Variants in SLC24A4 observed in about 807,000 individuals in gnomAD.
SLC24A4 encodes sodium/potassium/calcium exchanger 4.
SLC24A4 carries 53 observed loss-of-function variants against 79.0 expected under a neutral mutation model. That is an observed-to-expected ratio of 0.67 (90% CI 0.54 to 0.84). The LOEUF is 0.84. Ranked by LOEUF, SLC24A4 falls within the 40% of genes least tolerant of loss-of-function variation. SLC24A4 has a pLI of 0.00. For missense variants in SLC24A4, 731 were observed against 822.0 expected (o/e 0.89, Z 1.35); for synonymous variants, 323 against 323.8 (o/e 1.00, Z 0.03).
chr14:92,375,035 C>T (rs72695125), intron 2 of SLC24A4, among the ~76,000 whole-genome samples: 30 of 152,288 alleles, frequency 2.0e-4, no homozygotes, highest in Non-Finnish European at 2.9e-4. Flanking sequence ...GTCTTCACTC[C>T]GGAACTTCTG....
chr14:92,433,881 T>C, intron 2 of SLC24A4, 31 bp from the exon 3 acceptor site: 1 of 1,598,096 alleles, frequency 6.3e-7, no homozygotes, highest in Non-Finnish European at 8.6e-7. Context: ...CATAGATAAC[T>C]AACACTCTGC....
chr14:92,491,869 C>T (rs1194239144), intron 15 of SLC24A4, 92 bp downstream of exon 15: 3 of 994,442 alleles, frequency 3.0e-6, no homozygotes, highest in Non-Finnish European at 4.8e-6. Flanking sequence ...AGACGACCTC[C>T]TCCTCTCCTT....
At chr14:92,383,778 G>A (rs1349185129) in intron 2 of SLC24A4, among the ~76,000 whole-genome samples, 3 of 152,138 alleles carry the variant, frequency 2.0e-5, no homozygotes, top group Non-Finnish European at 1.5e-5. Flanking sequence ...ACATCTACAC[G>A]CCCTCGTCAG....
intron 2 of SLC24A4, among the ~76,000 whole-genome samples, chr14:92,332,231 G>A (rs754569595): frequency 2.6e-5 from 4 of 152,164 alleles, no homozygotes; most frequent in Non-Finnish European, 5.9e-5. Flanking sequence ...GCAGTGAGCC[G>A]AGATCGCACC....
intron 2 of SLC24A4, among the ~76,000 whole-genome samples, chr14:92,400,489 G>A (rs554021533): frequency 3.8e-4 from 57 of 151,350 alleles, no homozygotes; most frequent in African/African-American, 1.1e-3. Context: ...ACACACAGCC[G>A]GAGTGCAGTG....
chr14:92,373,188 A>G (rs866595938), intron 2 of SLC24A4, among the ~76,000 whole-genome samples: 9 of 70,804 alleles, frequency 1.3e-4, no homozygotes, highest in African/African-American at 2.1e-4. Context: ...ACACACACAC[A>G]CACACGCACA....
intron 12 of SLC24A4, chr14:92,462,141 T>G (rs1893849796): frequency 6.6e-6 from 1 of 152,206 alleles, no homozygotes; most frequent in African/African-American, 2.4e-5. Context: ...TCCCAAGCTG[T>G]GAATACCCTC....
Position 92,496,329 on chromosome 14 carries a change from A to G in SLC24A4, c.*2701A>G, listed in dbSNP as rs1895919528. On this transcript the variant is annotated 3_prime_UTR_variant, in exon 17 of 17. Coordinates refer to ENST00000532405, the MANE Select transcript of SLC24A4 (RefSeq NM_153646.4). ...CACAAATTTAAAGAATTGCATGATTAATTAGGCTTTCATTTTTAAATTACG... is the reference window on the plus strand; with the variant it reads ...CACAAATTTAAAGAATTGCATGATTGATTAGGCTTTCATTTTTAAATTACG... 1 of 152,546 alleles carries G rather than the reference A, an allele frequency of 6.6e-6. No individual in the cohort carries two copies. The highest frequency in any genetic ancestry group is 2.1e-4 in the South Asian group (1 of 4,828). 9.4% of individuals were successfully genotyped at this position (152,546 alleles called of 1,614,324 possible).
At chr14:92,482,889 G>A in intron 13 of SLC24A4, 43 bp downstream of exon 13, 2 of 1,565,290 alleles carry the variant, frequency 1.3e-6, no homozygotes, top group Non-Finnish European at 1.7e-6. Flanking sequence ...CACAGCCAGG[G>A]AGAGGTGGAG....
At chr14:92,376,731 GT>G (rs1207346914) in intron 2 of SLC24A4, among the ~76,000 whole-genome samples, 2 of 152,170 alleles carry the variant, frequency 1.3e-5, no homozygotes, top group Admixed American at 1.3e-4. Flanking sequence ...GGGTTTTTAG[GT>G]TCCTGGAATC....
chr14:92,326,341 C>T (rs1021944868), intron 2 of SLC24A4, among the ~76,000 whole-genome samples: 10 of 152,132 alleles, frequency 6.6e-5, no homozygotes, highest in African/African-American at 2.2e-4. Context: ...GGAGCTCTCA[C>T]GGTGGCAGAT....
At chr14:92,468,818 T>C (rs1894264739) in intron 12 of SLC24A4, among the ~76,000 whole-genome samples, 1 of 152,158 alleles carries the variant, frequency 6.6e-6, no homozygotes, top group Non-Finnish European at 1.5e-5. Flanking sequence ...AACATAGGTA[T>C]ACATATTTGT....
rs761724790 is a variant in SLC24A4, at chr14:92,491,754, A to G, written c.1627A>G (p.Met543Val). 3.7e-6 allele frequency: 6 copies of G among 1,613,482 alleles called. No homozygotes were observed. The highest frequency in any genetic ancestry group is 3.3e-5 in the South Asian group (3 of 91,058). The change falls in exon 15 of 17, where the codon ATG becomes GTG. Residue 543 changes from methionine to valine, a missense_variant. Transcript: ENST00000532405. ...TGGTGTACCGTGGGGCCTGCAGACC[A>G]TGGTTGTTAATTATGGATCAACAGT... ...GLGVPWGLQTMVVNYGSTVKI... is the reference protein window; with the variant it reads ...GLGVPWGLQTVVVNYGSTVKI...
chr14:92,347,618 A>G (rs1469983862), intron 2 of SLC24A4, among the ~76,000 whole-genome samples: 1 of 152,156 alleles, frequency 6.6e-6, no homozygotes, highest in Admixed American at 6.5e-5. Flanking sequence ...GGCTTTTTGG[A>G]AGTATTTGGG....
At chr14:92,480,286 C>CTTTTTTT (rs66533065) in intron 12 of SLC24A4, among the ~76,000 whole-genome samples, 8,223 of 63,000 alleles carry the variant, frequency 0.13, 2,048 homozygotes, top group South Asian at 0.26. Context: ...AGATCTTTCC[C>CTTTTTTT]TTTTTTTTTT....
At chr14:92,454,090 A>G (rs1893317699) in intron 11 of SLC24A4, 21 bp downstream of exon 11, 1 of 1,608,270 alleles carries the variant, frequency 6.2e-7, no homozygotes, top group African/African-American at 1.3e-5. Flanking sequence ...TTGAAGGACC[A>G]TAAAAGTGAG....
chr14:92,492,216 G>A lies in SLC24A4; in HGVS notation c.1692G>A (p.Leu564=), dbSNP rs975869396. Residue 564 remains leucine, a synonymous_variant, in exon 16 of 17, where the codon CTG becomes CTA. Transcript: ENST00000532405. ...NSRGLVYSVV[L]LLGSVALTVL... ...GGGGGCTGGTCTATTCCGTGGTCCT[G>A]TTGCTGGGCTCTGTCGCTCTCACCG... 6 of 1,614,064 alleles carry A rather than the reference G, an allele frequency of 3.7e-6. No individual in the cohort carries two copies. Among genetic ancestry groups the A allele is most frequent in the African/African-American group, 2.7e-5 (2 of 74,936 alleles).
intron 10 of SLC24A4, 65 bp from the exon 11 acceptor site, chr14:92,453,835 T>C: frequency 6.7e-7 from 1 of 1,492,822 alleles, no homozygotes; most frequent in Non-Finnish European, 8.9e-7. Flanking sequence ...GGGAAGTCAG[T>C]GGCCCCAGCA....
intron 12 of SLC24A4, among the ~76,000 whole-genome samples, chr14:92,471,714 C>A (rs1413721799): frequency 6.6e-6 from 1 of 152,090 alleles, no homozygotes; most frequent in Non-Finnish European, 1.5e-5. Flanking sequence ...GACTCTCATA[C>A]CCACCCAGAC....
Sources: allele counts gnomAD v4.1 joint callset (sites outside exome capture counted in the v4.1 genomes callset), GRCh38; gene constraint gnomAD v4.1.1; transcripts MANE v1.5; gene names NCBI Gene and HGNC (gene_info 2026-07-23, HGNC 2026-07-21).